BAZ1B: variants seen among roughly 807,000 people sequenced by gnomAD.
BAZ1B encodes the protein bromodomain adjacent to zinc finger domain 1B, also known as tyrosine-protein kinase BAZ1B.
In BAZ1B, 22 loss-of-function variants were observed where a neutral mutation model predicts 153.8. The ratio of observed to expected loss-of-function variants is 0.14; its 90% CI spans 0.10 to 0.20. BAZ1B has a LOEUF of 0.20. Among genes scored for constraint, BAZ1B ranks in the 10% least tolerant of loss-of-function variants. BAZ1B has a pLI of 1.00. For missense variants in BAZ1B, 1,325 were observed against 1,799.3 expected (o/e 0.74, Z 4.77); for synonymous variants, 676 against 633.4 (o/e 1.07, Z -1.01).
chr7:73,520,234 G>A (rs1257962709), intron 1 of BAZ1B, among the ~76,000 whole-genome samples: 4 of 151,088 alleles, frequency 2.6e-5, no homozygotes, highest in Non-Finnish European at 3.0e-5. Flanking sequence ...AAAAAAAGTG[G>A]GGTACTTCGG....
chr7:73,449,740 A>C lies in BAZ1B; in HGVS notation c.3581-51T>G, dbSNP rs375094991. The C allele has an allele frequency of 1.9e-6, 3 of 1,588,844 alleles. No individual in the cohort carries two copies. In the East Asian group the frequency reaches 6.8e-5, roughly 36 times the overall value. Reference sequence around the variant, plus strand: ...ATTGTTGGGAGCACAGCAGCAGTCAATGAGCTGTAAGGAAGAGGCAATCAC... The same window carrying C: ...ATTGTTGGGAGCACAGCAGCAGTCACTGAGCTGTAAGGAAGAGGCAATCAC... On this transcript the variant is annotated intron_variant, in intron 14 of 19. Transcript: ENST00000339594.
At chr7:73,459,808 A>G in intron 12 of BAZ1B, 90 bp from the exon 13 acceptor site, 1 of 1,145,912 alleles carries the variant, frequency 8.7e-7, no homozygotes, top group East Asian at 2.4e-5. Context: ...ATCTAGACTC[A>G]AATGCCACAT....
At chr7:73,492,775 T>G in intron 5 of BAZ1B, 25 bp downstream of exon 5, 2 of 1,571,928 alleles carry the variant, frequency 1.3e-6, no homozygotes, top group Non-Finnish European at 1.7e-6. Flanking sequence ...ATCTATCACA[T>G]GTAAAAAGTA....
intron 19 of BAZ1B, chr7:73,441,901 G>C (rs1306011356): frequency 2.3e-6 from 1 of 431,536 alleles, no homozygotes; most frequent in Non-Finnish European, 4.1e-6. Context: ...CCTTAGGAAA[G>C]AAGGCAGGAA....
intron 7 of BAZ1B, among the ~76,000 whole-genome samples, chr7:73,474,953 G>A (rs1427349624): frequency 6.6e-6 from 1 of 152,052 alleles, no homozygotes; most frequent in Non-Finnish European, 1.5e-5. Context: ...TACACAGGTG[G>A]CCAGGAGACA....
intron 5 of BAZ1B, among the ~76,000 whole-genome samples, chr7:73,490,739 G>A (rs1789605251): frequency 6.6e-6 from 1 of 151,576 alleles, no homozygotes; most frequent in Non-Finnish European, 1.5e-5. Context: ...CCTAGTAGCT[G>A]GGATTACAGG....
chr7:73,459,404 C>T lies in BAZ1B; in HGVS notation c.3432+132G>A, dbSNP rs799216. On this transcript the variant is annotated intron_variant, in intron 13 of 19. Coordinates refer to ENST00000339594, the MANE Select transcript of BAZ1B (RefSeq NM_032408.4). ...AGAAAGTGATTAAAAAAAAAAAAAA[C>T]ACACACACACACAAAAACACTCACT... The T allele has an allele frequency of 5.7e-5, 34 of 601,404 alleles. No homozygotes were observed. In the South Asian group the frequency reaches 7.9e-4, roughly 14 times the overall value. The allele number at this position is 601,404 out of a possible 1,614,324, so 37.3% of individuals were successfully genotyped here. A position where few individuals can be genotyped will look rare whatever the true frequency, so the allele number is the denominator to read the frequency against.
chr7:73,483,933 C>A (rs1329835899), intron 6 of BAZ1B, among the ~76,000 whole-genome samples: 3 of 152,160 alleles, frequency 2.0e-5, no homozygotes, highest in African/African-American at 7.2e-5. Context: ...AGCCACTACG[C>A]CCAGCCATAC....
At chr7:73,511,098 G>C (rs782131382) in intron 1 of BAZ1B, among the ~76,000 whole-genome samples, 2 of 151,358 alleles carry the variant, frequency 1.3e-5, no homozygotes, top group South Asian at 2.1e-4. Context: ...GAAACCCCGT[G>C]TCTACTAAAA....
At chr7:73,456,479 T>C (rs1554569537) in intron 13 of BAZ1B, among the ~76,000 whole-genome samples, 1 of 151,920 alleles carries the variant, frequency 6.6e-6, no homozygotes, top group East Asian at 1.9e-4. Flanking sequence ...AATTGAAAAA[T>C]GGGCAAAGGA....
chr7:73,512,599 A>G (rs1790632979), intron 1 of BAZ1B, among the ~76,000 whole-genome samples: 1 of 152,192 alleles, frequency 6.6e-6, no homozygotes, highest in African/African-American at 2.4e-5. Flanking sequence ...GCAACTTTCC[A>G]CACAAAACCA....
chr7:73,487,218 A>ATTT (rs1789446513), intron 6 of BAZ1B, among the ~76,000 whole-genome samples: 1 of 152,300 alleles, frequency 6.6e-6, no homozygotes, highest in Admixed American at 6.5e-5. Flanking sequence ...TTCTTCAGAA[A>ATTT]TTGCCTTTCA....
chr7:73,479,408 C>G (rs1377714691), intron 6 of BAZ1B, among the ~76,000 whole-genome samples: 1 of 150,896 alleles, frequency 6.6e-6, no homozygotes, highest in Non-Finnish European at 1.5e-5. Context: ...ACTCGGGAGG[C>G]TGAGGCTCGA....
chr7:73,489,453 C>A, intron 5 of BAZ1B, 62 bp from the exon 6 acceptor site: 1 of 1,548,158 alleles, frequency 6.5e-7, no homozygotes, highest in South Asian at 1.1e-5. Context: ...CAAATGAGAA[C>A]AAGCAATATA....
intron 3 of BAZ1B, 38 bp downstream of exon 3, chr7:73,508,289 C>T: frequency 6.2e-7 from 1 of 1,602,444 alleles, no homozygotes; most frequent in East Asian, 2.2e-5. Context: ...AGCTCTAATT[C>T]TGATGGTAAG....
intron 16 of BAZ1B, among the ~76,000 whole-genome samples, chr7:73,445,462 G>A (rs799214): frequency 0.013 from 1,911 of 152,212 alleles, 49 homozygotes; most frequent in African/African-American, 0.044. Flanking sequence ...TTGGCAAGTC[G>A]AGGCCGTAAA....
intron 12 of BAZ1B, chr7:73,462,415 G>T (rs1788426697): frequency 6.2e-6 from 1 of 160,138 alleles, no homozygotes; most frequent in Non-Finnish European, 1.4e-5. Flanking sequence ...CCTGTTACGG[G>T]GTATGGGATC....
chr7:73,444,050 C>T lies in BAZ1B; in HGVS notation c.3924G>A (p.Lys1308=), dbSNP rs782037193. ...GCTGAGACCTCCTGGTAGAGTGTGG[C>T]TTCTTACCCGGGCGCCGGCCTGACC... ...AARSGRRPGK[K]PHSTRRSQPK... Residue 1308 remains lysine, a synonymous_variant, in exon 17 of 20, where the codon AAG becomes AAA. Transcript: ENST00000339594. 1.1e-5 allele frequency: 18 copies of T among 1,613,696 alleles called. No homozygotes were observed. Among genetic ancestry groups the T allele is most frequent in the African/African-American group, 1.3e-5 (1 of 74,922 alleles).
At chr7:73,459,438 A>T in intron 13 of BAZ1B, 98 bp downstream of exon 13, 2 of 1,229,552 alleles carry the variant, frequency 1.6e-6, no homozygotes, top group South Asian at 1.5e-5. Flanking sequence ...CTCAGGGCAC[A>T]GTGCCTATAG....
Sources: gnomAD v4.1 joint callset for allele counts (sites outside exome capture counted in the v4.1 genomes callset) on GRCh38, gnomAD v4.1.1 for gene constraint, MANE v1.5 for transcripts, NCBI Gene and HGNC (gene_info 2026-07-23, HGNC 2026-07-21) for gene names.